The following PCLO variants were observed in gnomAD, a reference collection of about 807,000 sequenced individuals.
PCLO encodes protein piccolo.
A neutral mutation model predicts 427.5 loss-of-function variants in PCLO; 82 were observed. That is an observed-to-expected ratio of 0.19 (90% confidence interval 0.16 to 0.23). PCLO has a LOEUF of 0.23. PCLO is among the 10% of genes least tolerant of loss of function. PCLO has a pLI of 1.00. For synonymous variants in PCLO, 2,357 were observed against 2,155.4 expected (o/e 1.09, Z -2.59); for missense variants, 6,239 against 6,115.9 (o/e 1.02, Z -0.67).
Position 83,072,962 on chromosome 7 carries a change from CTG to C in PCLO, c.3300+61286_3300+61287del, listed in dbSNP as rs369998745. Reference sequence around the variant, plus strand: ...CAAAATGGTTTCTCTTTCTGTCTCTCTGTCTCTCTCTGTCTCCCTCTCCCTTC... The same window carrying C: ...CAAAATGGTTTCTCTTTCTGTCTCTCTCTCTCTCTGTCTCCCTCTCCCTTC... On this transcript the variant is annotated intron_variant, in intron 3 of 24. Transcript: ENST00000333891. Among the ~76,000 whole-genome samples, 183 of 152,100 alleles carry C rather than the reference CTG, an allele frequency of 1.2e-3. 1 individual carries two copies. Among genetic ancestry groups the C allele is most frequent in the African/African-American group, 4.3e-3 (179 of 41,534 alleles).
chr7:83,037,335 T>C (rs1379155435), intron 3 of PCLO, among the ~76,000 whole-genome samples: 1 of 152,062 alleles, frequency 6.6e-6, no homozygotes, highest in Admixed American at 6.6e-5. Context: ...ATTTTCTTAT[T>C]AGATTTTCCA....
At chr7:83,071,183 C>T (rs892853164) in intron 3 of PCLO, among the ~76,000 whole-genome samples, 15 of 152,232 alleles carry the variant, frequency 9.9e-5, no homozygotes, top group African/African-American at 3.4e-4. Context: ...TAAACACAGA[C>T]TTTGTGACCT....
At chr7:82,977,597 A>G (rs1471012831) in intron 3 of PCLO, among the ~76,000 whole-genome samples, 4 of 151,784 alleles carry the variant, frequency 2.6e-5, no homozygotes, top group Admixed American at 2.6e-4. Flanking sequence ...TATTTTCAGT[A>G]GAGTCGGGGT....
chr7:82,956,034 C>T lies in PCLO; in HGVS notation c.4919G>A (p.Ser1640Asn). Reference protein sequence around the residue: ...HDEDDEAFDESPELKYRETKS... With the variant: ...HDEDDEAFDENPELKYRETKS... ...AGTTTCTCTGTATTTAAGTTCAGGACTTTCATCAAATGCTTCATCGTCTTC... is the reference window on the plus strand; with the variant it reads ...AGTTTCTCTGTATTTAAGTTCAGGATTTTCATCAAATGCTTCATCGTCTTC... Residue 1640 changes from serine to asparagine, a missense_variant, in exon 5 of 25, where the codon AGT (serine) becomes AAT (asparagine). Coordinates refer to ENST00000333891, the MANE Select transcript of PCLO (RefSeq NM_033026.6). 1 of 1,613,170 alleles carries T rather than the reference C, an allele frequency of 6.2e-7. No individual in the cohort carries two copies. Among genetic ancestry groups the T allele is most frequent in the Non-Finnish European group, 8.5e-7 (1 of 1,179,880 alleles).
At chr7:83,107,230 T>C (rs1261430774) in intron 3 of PCLO, among the ~76,000 whole-genome samples, 1 of 152,164 alleles carries the variant, frequency 6.6e-6, no homozygotes, top group African/African-American at 2.4e-5. Flanking sequence ...TTTATTATAG[T>C]CTATTAAACT....
intron 7 of PCLO, 127 bp from the exon 8 acceptor site, chr7:82,909,140 C>G: frequency 7.7e-6 from 6 of 782,582 alleles, no homozygotes; most frequent in Non-Finnish European, 1.2e-5. Flanking sequence ...AAACACATCT[C>G]CCCTTGGGAC....
At chr7:82,775,244 G>C (rs1407275851) in intron 22 of PCLO, among the ~76,000 whole-genome samples, 1 of 152,126 alleles carries the variant, frequency 6.6e-6, no homozygotes, top group Non-Finnish European at 1.5e-5. Flanking sequence ...ATTCCTTTGG[G>C]TAAATATTAA....
intron 3 of PCLO, among the ~76,000 whole-genome samples, chr7:83,092,394 G>GTAA (rs149017834): frequency 1.4e-4 from 21 of 151,520 alleles, no homozygotes; most frequent in South Asian, 6.2e-4. Context: ...CCATGGACCC[G>GTAA]GCACAAATAT....
intron 3 of PCLO, among the ~76,000 whole-genome samples, chr7:83,114,323 T>C (rs1046024933): frequency 1.3e-5 from 2 of 152,000 alleles, no homozygotes; most frequent in Non-Finnish European, 1.5e-5. Flanking sequence ...GGGAACATGA[T>C]GTGGGGTCAA....
intron 4 of PCLO, among the ~76,000 whole-genome samples, chr7:82,965,307 T>A (rs1450984446): frequency 6.7e-6 from 1 of 150,098 alleles, no homozygotes; most frequent in Admixed American, 6.6e-5. Context: ...TTTTCTTTTT[T>A]CTTTCTTTCT....
chr7:82,871,189 C>G (rs572933920), intron 10 of PCLO, among the ~76,000 whole-genome samples: 3 of 151,794 alleles, frequency 2.0e-5, no homozygotes, highest in African/African-American at 7.2e-5. Flanking sequence ...TCAAAATAGC[C>G]AAGAGATGGA....
At chr7:82,911,786 C>T (rs1224434997) in intron 7 of PCLO, among the ~76,000 whole-genome samples, 1 of 152,004 alleles carries the variant, frequency 6.6e-6, no homozygotes, top group Non-Finnish European at 1.5e-5. Context: ...CTACGCCCAG[C>T]TAATTTTTGT....
In PCLO at chr7:82,949,658, C is replaced by T; in HGVS notation, c.10930G>A (p.Glu3644Lys). Residue 3644 changes from glutamate to lysine, a missense_variant, in exon 6 of 25, where the codon GAA becomes AAA. Around this residue, in one of 5 missense-constraint regions of PCLO, gnomAD observed 4,677 missense variants for 4,468.4 expected, o/e 1.05. Transcript: ENST00000333891. The part of the protein sequence containing the change: ...KALESAFVPY[E>K]KPLPDDISPQ... ...CTTATATCATCAGGGAGGGGTTTTT[C>T]ATAAGGTACAAAGGCTGATTCTAAG... is the stretch of plus-strand genomic sequence containing the variant. 1 of 1,613,762 alleles carries T rather than the reference C, an allele frequency of 6.2e-7. No individual in the cohort carries two copies. The highest frequency in any genetic ancestry group is 8.5e-7 in the Non-Finnish European group (1 of 1,179,830).
At chr7:83,154,629 G>A in intron 2 of PCLO, 119 bp downstream of exon 2, 1 of 774,698 alleles carries the variant, frequency 1.3e-6, no homozygotes, top group Non-Finnish European at 2.1e-6. Flanking sequence ...ACGAACGAAG[G>A]AGGGGAGAAT....
chr7:83,061,602 T>C (rs1265994626), intron 3 of PCLO, among the ~76,000 whole-genome samples: 2 of 152,156 alleles, frequency 1.3e-5, no homozygotes, highest in Non-Finnish European at 2.9e-5. Flanking sequence ...CTATCACAAG[T>C]GGACTGGTTA....
At chr7:83,071,347 T>C (rs1182128847) in intron 3 of PCLO, among the ~76,000 whole-genome samples, 1 of 152,218 alleles carries the variant, frequency 6.6e-6, no homozygotes, top group Non-Finnish European at 1.5e-5. Flanking sequence ...TATATCTTCT[T>C]ATATGCGGTA....
At chr7:82,921,325 CATT>C (rs1291109145) in intron 6 of PCLO, among the ~76,000 whole-genome samples, 1 of 151,632 alleles carries the variant, frequency 6.6e-6, no homozygotes, top group Non-Finnish European at 1.5e-5. Context: ...AAGCTAGGGG[CATT>C]ATACTATCCA....
intron 3 of PCLO, among the ~76,000 whole-genome samples, chr7:82,998,443 T>G (rs115733940): frequency 0.025 from 3,722 of 149,522 alleles, 155 homozygotes; most frequent in African/African-American, 0.086. Flanking sequence ...CAACTATTAA[T>G]CCAGTGCTTG....
intron 22 of PCLO, among the ~76,000 whole-genome samples, chr7:82,791,739 C>A (rs142232103): frequency 2.6e-4 from 40 of 152,134 alleles, no homozygotes; most frequent in African/African-American, 9.4e-4. Flanking sequence ...CTGAAATGTG[C>A]TGGTCTTTTC....
Sources: allele counts gnomAD v4.1 joint callset (sites outside exome capture counted in the v4.1 genomes callset), GRCh38; gene constraint gnomAD v4.1.1; regional missense constraint gnomAD v4.1.1; transcripts MANE v1.5; gene names NCBI Gene and HGNC (gene_info 2026-07-23, HGNC 2026-07-21).